PRELID2: variants seen among roughly 807,000 people sequenced by gnomAD.
The protein encoded by PRELID2 is PRELI domain containing 2.
Under a neutral mutation model 28.4 loss-of-function variants are expected in PRELID2, and 25 were observed. The ratio of observed to expected loss-of-function variants is 0.88; its 90% CI spans 0.64 to 1.23. The LOEUF is 1.23. Among genes scored for constraint, PRELID2 ranks in the 50% most tolerant of loss-of-function variants. The pLI is 0.00. For synonymous variants in PRELID2, 76 were observed against 71.6 expected, an observed-to-expected ratio of 1.06 and a Z score of -0.31; for missense variants, 201 against 214.4, an observed-to-expected ratio of 0.94 and a Z score of 0.39.
chr5:145,814,141 A>C (rs1231994263), intron 4 of PRELID2, among the ~76,000 whole-genome samples: 1 of 152,208 alleles, frequency 6.6e-6, no homozygotes, highest in Non-Finnish European at 1.5e-5. Context: ...ATTTTTGAAA[A>C]ACACTCAAAG....
At chr5:145,392,577 A>G in the PRELID2 span, among the ~76,000 whole-genome samples, 2 of 152,194 alleles carry the variant, frequency 1.3e-5, no homozygotes, top group Non-Finnish European at 2.9e-5. Flanking sequence ...AGAATTGCAG[A>G]GGACACAATG....
intron 1 of PRELID2, among the ~76,000 whole-genome samples, chr5:145,614,576 C>T (rs1052966253): frequency 1.3e-5 from 2 of 151,676 alleles, no homozygotes; most frequent in African/African-American, 2.4e-5. Flanking sequence ...ATTTTTATTA[C>T]TTTTTTTTGC....
chr5:145,351,772 T>C, the PRELID2 span, among the ~76,000 whole-genome samples: 3 of 152,248 alleles, frequency 2.0e-5, no homozygotes, highest in East Asian at 5.8e-4. Flanking sequence ...GTTAGTTACT[T>C]CCTAGATACA....
the PRELID2 span, among the ~76,000 whole-genome samples, chr5:145,248,083 G>C: frequency 6.6e-6 from 1 of 152,074 alleles, no homozygotes; most frequent in East Asian, 1.9e-4. Flanking sequence ...GAAGTAGTTT[G>C]ATAGATAATA....
chr5:145,734,625 A>C lies in PRELID2; in HGVS notation n.70+30306T>G, dbSNP rs933051187. ...TATGAAAAAATTGAGATTACTCACTAATCCAGCCAGCCAATCTCTTAATCC... is the reference window on the plus strand; with the variant it reads ...TATGAAAAAATTGAGATTACTCACTCATCCAGCCAGCCAATCTCTTAATCC... On this transcript the variant is annotated intron_variant and non_coding_transcript_variant, in intron 1 of 2. Transcript: ENST00000510259. 3.9e-5 allele frequency among the ~76,000 whole-genome samples: 6 copies of C among 152,306 alleles called. No individual in the cohort carries two copies. The South Asian group carries it at 1.2e-3, about 32-fold the overall frequency.
At chr5:145,235,428 C>T in the PRELID2 span, among the ~76,000 whole-genome samples, 1 of 152,058 alleles carries the variant, frequency 6.6e-6, no homozygotes, top group Admixed American at 6.6e-5. Flanking sequence ...GCTGTCAAGC[C>T]CAGAGGGAGT....
intron 6 of PRELID2, among the ~76,000 whole-genome samples, chr5:145,761,709 T>A (rs1757485484): frequency 6.6e-6 from 1 of 152,202 alleles, no homozygotes; most frequent in South Asian, 2.1e-4. Context: ...AGAAGCATAG[T>A]TGTGTTCCAA....
intron 1 of PRELID2, among the ~76,000 whole-genome samples, chr5:145,531,941 G>A (rs1302278156): frequency 1.3e-5 from 2 of 152,116 alleles, no homozygotes; most frequent in Non-Finnish European, 2.9e-5. Context: ...GTGTCTTTAA[G>A]TTGGTTTGCT....
chr5:145,556,826 C>A (rs1752883579), intron 1 of PRELID2, among the ~76,000 whole-genome samples: 2 of 152,206 alleles, frequency 1.3e-5, no homozygotes, highest in African/African-American at 4.8e-5. Flanking sequence ...TATGAATGCA[C>A]TTCCTCAGTC....
chr5:145,552,307 G>A (rs1385357699), intron 1 of PRELID2, among the ~76,000 whole-genome samples: 1 of 152,054 alleles, frequency 6.6e-6, no homozygotes, highest in African/African-American at 2.4e-5. Context: ...TTGTTAAAAT[G>A]TCCACCTTCT....
chr5:145,286,805 T>A, the PRELID2 span, among the ~76,000 whole-genome samples: 1 of 146,014 alleles, frequency 6.8e-6, no homozygotes, highest in Non-Finnish European at 1.5e-5. Context: ...CACTGCAACC[T>A]CTACCTCCTG....
intron 1 of PRELID2, among the ~76,000 whole-genome samples, chr5:145,549,837 T>C (rs1348970951): frequency 1.3e-5 from 2 of 151,714 alleles, no homozygotes; most frequent in East Asian, 3.9e-4. Flanking sequence ...CCACTGAATA[T>C]AACTTTAGAG....
chr5:145,332,964 T>C, the PRELID2 span, among the ~76,000 whole-genome samples: 32 of 152,310 alleles, frequency 2.1e-4, no homozygotes, highest in East Asian at 4.5e-3. Flanking sequence ...ATGGACGTCC[T>C]TTTTGTTGAT....
chr5:145,811,250 G>A (rs189191388), intron 4 of PRELID2, among the ~76,000 whole-genome samples: 1 of 152,094 alleles, frequency 6.6e-6, no homozygotes, highest in East Asian at 1.9e-4. Context: ...CATGACATAT[G>A]GGAATTGTGT....
intron 1 of PRELID2, among the ~76,000 whole-genome samples, chr5:145,541,032 T>C (rs756947280): frequency 1.4e-4 from 21 of 152,020 alleles, no homozygotes; most frequent in Non-Finnish European, 1.3e-4. Context: ...AGGAGACAAA[T>C]GAACCAAGTT....
chr5:145,394,081 G>A, the PRELID2 span, among the ~76,000 whole-genome samples: 1 of 152,072 alleles, frequency 6.6e-6, no homozygotes, highest in Non-Finnish European at 1.5e-5. Flanking sequence ...CCATTACTGG[G>A]TATATACCCA....
intron 1 of PRELID2, among the ~76,000 whole-genome samples, chr5:145,701,182 G>C (rs1040816762): frequency 6.6e-6 from 1 of 152,206 alleles, no homozygotes; most frequent in African/African-American, 2.4e-5. Context: ...GAGGAACAAA[G>C]AGATTATTTA....
chr5:145,671,238 G>T (rs549835870), intron 1 of PRELID2, among the ~76,000 whole-genome samples: 7 of 152,250 alleles, frequency 4.6e-5, no homozygotes, highest in African/African-American at 1.7e-4. Context: ...TTCAGGCAAT[G>T]GATATAGTTC....
intron 1 of PRELID2, among the ~76,000 whole-genome samples, chr5:145,679,416 T>A (rs1754889217): frequency 6.6e-6 from 1 of 152,182 alleles, no homozygotes; most frequent in African/African-American, 2.4e-5. Flanking sequence ...TTCTAGAATA[T>A]CCCTTGTAAA....
Sources: gnomAD v4.1 joint callset for allele counts (sites outside exome capture counted in the v4.1 genomes callset) on GRCh38, gnomAD v4.1.1 for gene constraint, MANE v1.5 for transcripts, NCBI Gene and HGNC (gene_info 2026-07-23, HGNC 2026-07-21) for gene names.